Variants in TMCO5A observed in about 807,000 individuals in gnomAD.
TMCO5A encodes transmembrane and coiled-coil domain-containing protein 5A.
TMCO5A carries 34 observed loss-of-function variants against 42.3 expected under a neutral mutation model. The observed-to-expected ratio is 0.80, with a 90% confidence interval of 0.61 to 1.07. The LOEUF is 1.07. TMCO5A is among the 50% of genes least tolerant of loss of function. TMCO5A has a pLI of 0.00. For missense variants in TMCO5A, 357 were observed against 327.9 expected (o/e 1.09, Z -0.69); for synonymous variants, 131 against 115.6 (o/e 1.13, Z -0.86).
the TMCO5A span, chr15:37,993,310 G>A: frequency 6.6e-6 from 1 of 150,872 alleles, no homozygotes; most frequent in African/African-American, 2.4e-5. Context: ...TTGAACATCT[G>A]GATTATAATG....
the TMCO5A span, among the ~76,000 whole-genome samples, chr15:38,037,830 T>C: frequency 6.6e-6 from 1 of 152,104 alleles, no homozygotes; most frequent in Non-Finnish European, 1.5e-5. Flanking sequence ...CTGGTAAATA[T>C]GGTGAAACCC....
At chr15:37,989,815 T>C in the TMCO5A span, among the ~76,000 whole-genome samples, 20 of 152,134 alleles carry the variant, frequency 1.3e-4, no homozygotes, top group African/African-American at 4.8e-4. Flanking sequence ...GCACAAAAGG[T>C]GGATGAACAC....
chr15:37,972,414 A>T (rs1432123701), downstream of TMCO5A, among the ~76,000 whole-genome samples: 1 of 151,866 alleles, frequency 6.6e-6, no homozygotes, highest in Non-Finnish European at 1.5e-5. Context: ...ATGTATACGC[A>T]TTTTCTTTTC....
At chr15:37,977,024 G>A in the TMCO5A span, among the ~76,000 whole-genome samples, 7,013 of 151,940 alleles carry the variant, frequency 0.046, 223 homozygotes, top group Middle Eastern at 0.072. Flanking sequence ...TGCCCACCTT[G>A]GCCTCCCAAA....
chr15:37,947,164 G>C (rs1271926659), intron 10 of TMCO5A, among the ~76,000 whole-genome samples: 1 of 152,056 alleles, frequency 6.6e-6, no homozygotes, highest in East Asian at 1.9e-4. Flanking sequence ...TTATTGATTT[G>C]TGTATGTTGA....
downstream of TMCO5A, among the ~76,000 whole-genome samples, chr15:37,970,068 A>G (rs1044609027): frequency 6.6e-6 from 1 of 152,104 alleles, no homozygotes; most frequent in East Asian, 1.9e-4. Context: ...TGAATGGTTA[A>G]TTCTGTTTTA....
intron 11 of TMCO5A, among the ~76,000 whole-genome samples, chr15:37,958,113 G>A (rs543008373): frequency 7.9e-5 from 12 of 151,898 alleles, no homozygotes; most frequent in South Asian, 2.1e-4. Flanking sequence ...AGACTTAAAC[G>A]TAAGACCTAA....
the TMCO5A span, among the ~76,000 whole-genome samples, chr15:38,002,427 ATCTC>A: frequency 3.3e-5 from 5 of 151,020 alleles, no homozygotes; most frequent in Admixed American, 1.3e-4. Flanking sequence ...CCACCCTGGT[ATCTC>A]TCTCTCTCTT....
At chr15:37,984,624 C>T in the TMCO5A span, 1 of 148,210 alleles carries the variant, frequency 6.7e-6, no homozygotes, top group Non-Finnish European at 1.5e-5. Context: ...AGTTACAAGG[C>T]AGGGCCTTTG....
chr15:37,973,157 C>CTT, the TMCO5A span, among the ~76,000 whole-genome samples: 8,724 of 139,834 alleles, frequency 0.062, 871 homozygotes, highest in African/African-American at 0.21. Flanking sequence ...TCTTTTTTTC[C>CTT]TTTTTTTTTT....
At chr15:37,958,395 AAAAC>A (rs201681072) in intron 11 of TMCO5A, among the ~76,000 whole-genome samples, 2,146 of 152,292 alleles carry the variant, frequency 0.014, 60 homozygotes, top group African/African-American at 0.049. Context: ...ATTTACAAGA[AAAAC>A]AAACAAACAA....
downstream of TMCO5A, among the ~76,000 whole-genome samples, chr15:37,968,425 A>G (rs1890606813): frequency 1.3e-5 from 2 of 152,062 alleles, no homozygotes; most frequent in Admixed American, 1.3e-4. Flanking sequence ...CCTTCCAGAC[A>G]CTTTCCACAC....
At chr15:37,995,820 G>C in the TMCO5A span, among the ~76,000 whole-genome samples, 1 of 151,356 alleles carries the variant, frequency 6.6e-6, no homozygotes, top group Non-Finnish European at 1.5e-5. Context: ...AGGTATATTA[G>C]AGTGGACTGT....
the TMCO5A span, among the ~76,000 whole-genome samples, chr15:37,998,554 C>G: frequency 5.9e-5 from 9 of 152,176 alleles, no homozygotes; most frequent in African/African-American, 1.9e-4. Context: ...TTCCATTGCT[C>G]TCTGTGTCTG....
the TMCO5A span, among the ~76,000 whole-genome samples, chr15:38,024,476 C>A: frequency 6.6e-6 from 1 of 152,148 alleles, no homozygotes; most frequent in East Asian, 1.9e-4. Context: ...CATTTTCCCC[C>A]ATTGAATTGT....
chr15:38,038,995 TCTC>T, the TMCO5A span, among the ~76,000 whole-genome samples: 1 of 152,132 alleles, frequency 6.6e-6, no homozygotes, highest in Non-Finnish European at 1.5e-5. Flanking sequence ...TCCACCTTAC[TCTC>T]CTCACTTAAG....
intron 11 of TMCO5A, among the ~76,000 whole-genome samples, chr15:37,957,437 T>C (rs946323687): frequency 5.0e-5 from 3 of 60,320 alleles, no homozygotes; most frequent in African/African-American, 1.5e-4. Flanking sequence ...AGCATTCCTG[T>C]ACACCAATAA....
chr15:37,952,071 G>A (rs568688720), downstream of TMCO5A, among the ~76,000 whole-genome samples: 60 of 152,278 alleles, frequency 3.9e-4, no homozygotes, highest in African/African-American at 1.4e-3. Context: ...ACCAGCCCTA[G>A]CTAGAGGAGA....
chr15:37,955,108 T>C (rs1383526476), downstream of TMCO5A, among the ~76,000 whole-genome samples: 2 of 151,802 alleles, frequency 1.3e-5, no homozygotes, highest in Non-Finnish European at 2.9e-5. Flanking sequence ...ACAATAACAT[T>C]GAATGTAAGT....
Sources: gnomAD v4.1 joint callset for allele counts (sites outside exome capture counted in the v4.1 genomes callset) on GRCh38, gnomAD v4.1.1 for gene constraint, MANE v1.5 for transcripts, NCBI Gene and HGNC (gene_info 2026-07-23, HGNC 2026-07-21) for gene names.